Variants in LARS2 observed in about 807,000 individuals in gnomAD.
LARS2 encodes the protein leucine--tRNA ligase, mitochondrial.
LARS2 carries 81 observed loss-of-function variants against 116.6 expected under a neutral mutation model. The observed-to-expected ratio is 0.69, with a 90% CI of 0.58 to 0.84. The LOEUF (loss-of-function observed/expected upper bound fraction) is 0.84, where lower values mean the gene tolerates loss of function less well. Ranked by LOEUF, LARS2 falls within the 40% of genes least tolerant of loss-of-function variation. The probability of loss-of-function intolerance (pLI) is 0.00; values close to 1 mark genes in which losing one functional copy is unlikely to be tolerated. For missense variants in LARS2, 968 were observed against 1,114.5 expected, an observed-to-expected ratio of 0.87 and a Z score of 1.87; for synonymous variants, 396 against 407.2, an observed-to-expected ratio of 0.97 and a Z score of 0.33.
intron 8 of LARS2, among the ~76,000 whole-genome samples, chr3:45,465,706 C>G (rs1462842845): frequency 6.6e-6 from 1 of 152,178 alleles, no homozygotes. Context: ...GATTCAGAAA[C>G]CAGTGGTGTT....
chr3:45,535,356 T>TA (rs377184295), intron 20 of LARS2, among the ~76,000 whole-genome samples: 6 of 134,222 alleles, frequency 4.5e-5, no homozygotes, highest in African/African-American at 1.1e-4. Flanking sequence ...CTGTCTCAAT[T>TA]AAAAAAAAAA....
chr3:45,477,734 A>G (rs149721306), intron 10 of LARS2, among the ~76,000 whole-genome samples: 1 of 152,382 alleles, frequency 6.6e-6, no homozygotes, highest in Non-Finnish European at 1.5e-5. Flanking sequence ...AACCCAAAGT[A>G]TACAATCTGA....
At chr3:45,439,803 A>G (rs1188864859) in intron 6 of LARS2, among the ~76,000 whole-genome samples, 1 of 152,098 alleles carries the variant, frequency 6.6e-6, no homozygotes, top group Non-Finnish European at 1.5e-5. Context: ...ATGCGAACCA[A>G]ATCATGTTCT....
At chr3:45,405,118 TTTTTTC>T (rs1466291397) in intron 4 of LARS2, among the ~76,000 whole-genome samples, 3 of 142,532 alleles carry the variant, frequency 2.1e-5, no homozygotes, top group Admixed American at 1.4e-4. Context: ...CAAGTTTTTT[TTTTTTC>T]TTTTTCTTTA....
chr3:45,496,723 C>T (rs528001868), intron 14 of LARS2, among the ~76,000 whole-genome samples: 1 of 152,356 alleles, frequency 6.6e-6, no homozygotes, highest in East Asian at 1.9e-4. Context: ...CTCTACTCTC[C>T]TGGGAGCAGC....
chr3:45,430,003 CT>C (rs66989698), intron 6 of LARS2, among the ~76,000 whole-genome samples: 11 of 56,952 alleles, frequency 1.9e-4, no homozygotes, highest in African/African-American at 6.9e-4. Context: ...TGCCCAGCCT[CT>C]TTTTTTTTTT....
At chr3:45,390,634 A>ATTATTTATTTATTTATTTAT (rs373874105) in intron 1 of LARS2, among the ~76,000 whole-genome samples, 57 of 140,440 alleles carry the variant, frequency 4.1e-4, no homozygotes, top group African/African-American at 1.5e-3. Context: ...TTTTATTTTT[A>ATTATTTATTTATTTATTTAT]TTATTTATTT....
At chr3:45,389,602 T>A (rs576465238) in intron 1 of LARS2, among the ~76,000 whole-genome samples, 1 of 152,292 alleles carries the variant, frequency 6.6e-6, no homozygotes, top group East Asian at 1.9e-4. Flanking sequence ...GGGTTGATTC[T>A]AAAGAGGGGT....
intron 6 of LARS2, among the ~76,000 whole-genome samples, chr3:45,429,231 G>T (rs62244094): frequency 0.064 from 9,731 of 152,224 alleles, 418 homozygotes; most frequent in Non-Finnish European, 0.1. Context: ...AGCTTGATAG[G>T]GTCCTCTGCG....
chr3:45,398,763 G>A (rs1027068111), intron 3 of LARS2, among the ~76,000 whole-genome samples: 12 of 152,150 alleles, frequency 7.9e-5, no homozygotes, highest in African/African-American at 2.7e-4. Context: ...AAAGGCCAAC[G>A]AACATTTATC....
intron 4 of LARS2, among the ~76,000 whole-genome samples, chr3:45,401,117 G>A (rs991641122): frequency 6.6e-6 from 1 of 152,104 alleles, no homozygotes; most frequent in Non-Finnish European, 1.5e-5. Context: ...GGCAGAGCAT[G>A]TATTTATTTT....
At chr3:45,510,308 C>G (rs1300440135) in intron 15 of LARS2, among the ~76,000 whole-genome samples, 1 of 151,910 alleles carries the variant, frequency 6.6e-6, no homozygotes, top group Non-Finnish European at 1.5e-5. Context: ...CAGCTGCTTG[C>G]AGGGGTAAGG....
At chr3:45,397,089 A>G (rs1698059620) in intron 3 of LARS2, among the ~76,000 whole-genome samples, 1 of 152,234 alleles carries the variant, frequency 6.6e-6, no homozygotes, top group South Asian at 2.1e-4. Flanking sequence ...TAAAGTCAGA[A>G]GCTGACAAAA....
intron 3 of LARS2, among the ~76,000 whole-genome samples, chr3:45,399,113 G>C (rs902643441): frequency 6.6e-6 from 1 of 152,058 alleles, no homozygotes; most frequent in Non-Finnish European, 1.5e-5. Flanking sequence ...TATAACCCTG[G>C]TCTGAGGCTG....
intron 6 of LARS2, among the ~76,000 whole-genome samples, chr3:45,428,365 G>A (rs897640435): frequency 1.4e-5 from 2 of 141,770 alleles, no homozygotes; most frequent in African/African-American, 5.1e-5. Flanking sequence ...TGCCTCAGCC[G>A]CCCGAGTAGC....
intron 3 of LARS2, among the ~76,000 whole-genome samples, chr3:45,396,034 C>CT (rs1408045747): frequency 3.3e-5 from 5 of 152,130 alleles, no homozygotes; most frequent in East Asian, 1.9e-4. Flanking sequence ...GTAAAATTAG[C>CT]TTTTTTTTCC....
At chr3:45,485,935 T>C in intron 11 of LARS2, 139 bp downstream of exon 11, 1 of 547,634 alleles carries the variant, frequency 1.8e-6, no homozygotes. Context: ...TGAATAACCC[T>C]TCATTTAATC....
At chr3:45,459,319 G>A (rs1421812039) in intron 8 of LARS2, among the ~76,000 whole-genome samples, 1 of 152,140 alleles carries the variant, frequency 6.6e-6, no homozygotes, top group East Asian at 1.9e-4. Flanking sequence ...ATTAACTTTG[G>A]TGCATGTCTT....
At chr3:45,416,174 G>C (rs1375023935) in intron 4 of LARS2, among the ~76,000 whole-genome samples, 3 of 151,566 alleles carry the variant, frequency 2.0e-5, no homozygotes. Context: ...TGTAATCCCA[G>C]CTACTCGGGA....
Sources: allele counts gnomAD v4.1 joint callset (sites outside exome capture counted in the v4.1 genomes callset), GRCh38; gene constraint gnomAD v4.1.1; transcripts MANE v1.5; gene names NCBI Gene and HGNC (gene_info 2026-07-23, HGNC 2026-07-21).